HCN2: variants seen among roughly 807,000 people sequenced by gnomAD.
The protein encoded by HCN2 is hyperpolarization activated cyclic nucleotide gated potassium and sodium channel 2, also known as potassium/sodium hyperpolarization-activated cyclic nucleotide-gated channel 2.
Under a neutral mutation model 52.3 loss-of-function variants are expected in HCN2, and 20 were observed. That is an observed-to-expected ratio of 0.38 (90% CI 0.27 to 0.56). HCN2 has a LOEUF of 0.56. HCN2 is among the 20% of genes least tolerant of loss of function. The pLI is 0.71. For synonymous variants in HCN2, 694 were observed against 537.0 expected (o/e 1.29, Z -4.04); for missense variants, 981 against 1,207.7 (o/e 0.81, Z 2.78).
rs1281942663 is a variant in HCN2 at position 603,703 on chromosome 19, C to A, written c.792C>A (p.Arg264=). The A allele has an allele frequency of 2.5e-6, 4 of 1,612,852 alleles. No individual in the cohort carries two copies. Among genetic ancestry groups the A allele is most frequent in the Non-Finnish European group, 3.4e-6 (4 of 1,179,766 alleles). ...TCATGGACCTGGTGTTGAACTTCCG[C>A]ACCGGCATTGTGATCGAGGACAACA... The part of the protein sequence containing the change: ...FFLMDLVLNF[R]TGIVIEDNTE... The change falls in exon 2 of 8, where the codon CGC becomes CGA. Residue 264 remains arginine (R), a synonymous_variant. Transcript: ENST00000251287.
rs558187676 is a variant in HCN2, at chr19:608,226, C to T, written c.1437+44C>T. On this transcript the variant is annotated intron_variant, in intron 4 of 7. Coordinates refer to ENST00000251287, the MANE Select transcript of HCN2 (RefSeq NM_001194.4). ...CCGGCCTGGGTTCTGATGGGGGAGG[C>T]GGGCCTGGATCTGGGGTCTGAGAGA... The T allele has an allele frequency of 1.2e-4, 187 of 1,558,602 alleles. 5 individuals are homozygous for T. The South Asian group carries it at 1.5e-3, about 13-fold the overall frequency.
intron 7 of HCN2, among the ~76,000 whole-genome samples, chr19:614,442 A>C (rs1340032361): frequency 6.6e-6 from 1 of 152,116 alleles, no homozygotes; most frequent in African/African-American, 2.4e-5. Flanking sequence ...ATCACACACG[A>C]CTGGGCTGTG....
intron 4 of HCN2, among the ~76,000 whole-genome samples, chr19:609,162 G>C (rs1301528018): frequency 6.6e-6 from 1 of 152,188 alleles, no homozygotes; most frequent in Admixed American, 6.5e-5. Flanking sequence ...ACATAAGCTG[G>C]TGCCACCACC....
In HCN2 at chr19:616,656, T is replaced by TC. The variant is rs1227864041; in HGVS notation, c.*188dup. 7.7e-6 allele frequency: 2 copies of TC among 258,478 alleles called. No individual in the cohort carries two copies. Among genetic ancestry groups the TC allele is most frequent in the African/African-American group, 2.4e-5 (1 of 42,040 alleles). 16.0% of individuals were successfully genotyped at this position (258,478 alleles called of 1,614,324 possible). On this transcript the variant is annotated 3_prime_UTR_variant, in exon 8 of 8. Coordinates refer to ENST00000251287, the MANE Select transcript of HCN2 (RefSeq NM_001194.4). ...GCAGCCCCCTCCGCGCCCCCGGCCG[T>TC]CCCCCCTCATCGCCCCGCGCCCACC...
At chr19:611,579 G>T (rs892015849) in intron 5 of HCN2, among the ~76,000 whole-genome samples, 1 of 152,176 alleles carries the variant, frequency 6.6e-6, no homozygotes, top group Non-Finnish European at 1.5e-5. Context: ...GGTTCGCTTC[G>T]CCAAGAATGT....
rs1207612660 is a variant in HCN2, at chr19:615,809, A to C, written c.2005A>C (p.Ile669Leu). ...RLDRIGKKNS[I>L]LLHKVQHDLN... ...CTCTCCCGCAGGCAAGAAGAATTCCATCCTCCTGCACAAGGTGCAGCATGA... is the reference window on the plus strand; with the variant it reads ...CTCTCCCGCAGGCAAGAAGAATTCCCTCCTCCTGCACAAGGTGCAGCATGA... Residue 669 changes from isoleucine to leucine, a missense_variant, in exon 8 of 8, where the codon ATC (isoleucine) becomes CTC (leucine). By Grantham distance (5) the Ile-to-Leu change is conservative. This residue lies in a region of HCN2 where 368 missense variants were observed against 314.8 expected (regional missense o/e 1.17). Transcript: ENST00000251287. 3 of 1,611,920 alleles carry C rather than the reference A, an allele frequency of 1.9e-6. No individual in the cohort carries two copies. In the Admixed American group the frequency reaches 5.0e-5, roughly 27 times the overall value.
At chr19:607,635 C>T (rs554850768) in intron 3 of HCN2, among the ~76,000 whole-genome samples, 1 of 152,214 alleles carries the variant, frequency 6.6e-6, no homozygotes, top group African/African-American at 2.4e-5. Flanking sequence ...CCCAGATGCT[C>T]CCTGGAACTT....
intron 1 of HCN2, among the ~76,000 whole-genome samples, chr19:601,534 C>CGTT (rs1568363098): frequency 4.1e-5 from 6 of 146,384 alleles, no homozygotes; most frequent in Non-Finnish European, 7.6e-5. Context: ...GAGTGGTCGT[C>CGTT]GTCCGCAGTC....
At chr19:594,260 C>G (rs939242305) in intron 1 of HCN2, among the ~76,000 whole-genome samples, 5 of 152,112 alleles carry the variant, frequency 3.3e-5, no homozygotes, top group Admixed American at 3.3e-4. Flanking sequence ...GGGGTGGAGA[C>G]CTGGGCAGAT....
rs768790283 is a variant in HCN2, at chr19:613,890, G to T, written c.1864G>T (p.Val622Leu). The part of the protein sequence containing the change: ...LLTRGRRTAS[V>L]RADTYCRLYS... Reference sequence around the variant, plus strand: ...CACCCGGGGCCGCCGCACGGCGAGCGTGCGGGCTGACACCTACTGCCGCCT... The same window carrying T: ...CACCCGGGGCCGCCGCACGGCGAGCTTGCGGGCTGACACCTACTGCCGCCT... The change falls in exon 7 of 8, where the codon GTG becomes TTG. Residue 622 changes from valine (V) to leucine (L), a missense_variant. Physicochemically the swap from Val to Leu is conservative, Grantham distance 32. Coordinates refer to ENST00000251287, the MANE Select transcript of HCN2 (RefSeq NM_001194.4). 1 of 1,597,686 alleles carries T rather than the reference G, an allele frequency of 6.3e-7. No homozygotes were observed. The highest frequency in any genetic ancestry group is 1.1e-5 in the South Asian group (1 of 89,966).
chr19:590,200 C>G lies in HCN2; in HGVS notation c.255C>G (p.Pro85=). 1.0e-6 allele frequency: 1 copy of G among 983,090 alleles called. No individual in the cohort carries two copies. The highest frequency in any genetic ancestry group is 5.2e-4 in the Middle Eastern group (1 of 1,934). The allele number at this position is 983,090 out of a possible 1,614,324, so 60.9% of individuals were successfully genotyped here. ...GCCGCGACAGCTCGTGCGGCCGCCC[C>G]GGCACCCCGGGCGCGGCGAGCACGG... ...LRSRDSSCGR[P]GTPGAASTAK... Residue 85 remains proline, a synonymous_variant, in exon 1 of 8, where the codon CCC becomes CCG. Transcript: ENST00000251287. This position sits in a 1 kb window ranked among gnomAD's most constrained non-coding sequence, Gnocchi z 7.2.
intron 5 of HCN2, among the ~76,000 whole-genome samples, chr19:611,804 C>A (rs1392118527): frequency 1.3e-5 from 2 of 152,152 alleles, no homozygotes; most frequent in Admixed American, 1.3e-4. Context: ...GCAACCCACG[C>A]TACTTAGTCA....
At chr19:612,733 C>CT (rs113702582) in intron 5 of HCN2, among the ~76,000 whole-genome samples, 2,321 of 141,718 alleles carry the variant, frequency 0.016, 63 homozygotes, top group African/African-American at 0.053. Context: ...CCCCCATTTT[C>CT]TTTTTTTTTT....
chr19:617,142 C>A lies in HCN2; in HGVS notation c.*668C>A, dbSNP rs970001941. 5.7e-6 allele frequency: 3 copies of A among 527,564 alleles called. No individual in the cohort carries two copies. The highest frequency in any genetic ancestry group is 2.0e-5 in the African/African-American group (1 of 49,234). The allele number at this position is 527,564 out of a possible 1,614,324, so 32.7% of individuals were successfully genotyped here. A position where few individuals can be genotyped will look rare whatever the true frequency, so the allele number is the denominator to read the frequency against. On this transcript the variant is annotated 3_prime_UTR_variant, in exon 8 of 8. Coordinates refer to ENST00000251287, the MANE Select transcript of HCN2 (RefSeq NM_001194.4). The stretch of plus-strand genomic sequence containing the variant: ...CCACACCCCCATTCCGCGCAATAAA[C>A]GACAGCATTGGCGCCAAGCCTGGCC...
intron 3 of HCN2, 104 bp from the exon 4 acceptor site, chr19:607,860 C>T (rs1983472919): frequency 1.3e-6 from 1 of 794,832 alleles, no homozygotes; most frequent in African/African-American, 1.7e-5. Flanking sequence ...GGGGAGCTCA[C>T]CACCTCCAGT....
At chr19:614,239 G>A (rs1162312557) in intron 7 of HCN2, among the ~76,000 whole-genome samples, 1 of 152,088 alleles carries the variant, frequency 6.6e-6, no homozygotes, top group Non-Finnish European at 1.5e-5. Context: ...GGACCCCTTT[G>A]GGTCTAGAGG....
chr19:612,997 G>A (rs1341100559), intron 5 of HCN2, among the ~76,000 whole-genome samples: 1 of 152,174 alleles, frequency 6.6e-6, no homozygotes, highest in African/African-American at 2.4e-5. Context: ...CACCGCTCTT[G>A]TCTACAGCCG....
At chr19:600,625 G>T (rs569375921) in intron 1 of HCN2, among the ~76,000 whole-genome samples, 2 of 151,882 alleles carry the variant, frequency 1.3e-5, no homozygotes, top group African/African-American at 4.8e-5. Context: ...GATTACAGAC[G>T]TGAGCCACCA....
At chr19:613,140 C>T in intron 5 of HCN2, 108 bp from the exon 6 acceptor site, 1 of 1,416,402 alleles carries the variant, frequency 7.1e-7, no homozygotes, top group Non-Finnish European at 9.5e-7. Context: ...GAGCCCGTCT[C>T]TCAGACGAGG....
Sources: allele counts gnomAD v4.1 joint callset (sites outside exome capture counted in the v4.1 genomes callset), GRCh38; gene constraint gnomAD v4.1.1; regional missense constraint gnomAD v4.1.1; non-coding constraint Gnocchi (gnomAD v3.1); transcripts MANE v1.5; gene names NCBI Gene and HGNC (gene_info 2026-07-23, HGNC 2026-07-21).